The following TASP1 variants were observed in gnomAD, a reference collection of about 807,000 sequenced individuals.
TASP1 encodes the protein taspase 1.
In TASP1, 16 loss-of-function variants were observed where a neutral mutation model predicts 56.6. That is an observed-to-expected ratio of 0.28 (90% CI 0.19 to 0.43). The LOEUF is 0.43. TASP1 is among the 20% of genes least tolerant of loss of function. The probability of loss-of-function intolerance (pLI) is 1.00; values close to 1 mark genes in which losing one functional copy is unlikely to be tolerated. For missense variants in TASP1, 393 were observed against 511.6 expected (o/e 0.77, Z 2.24); for synonymous variants, 179 against 184.2 (o/e 0.97, Z 0.23).
Position 13,411,672 on chromosome 20 carries a change from G to A in TASP1, c.1170+5776C>T, listed in dbSNP as rs548860691. Among the ~76,000 whole-genome samples the A allele has an allele frequency of 2.6e-5, 4 of 152,300 alleles. No individual in the cohort carries two copies. In the South Asian group the frequency reaches 8.3e-4, roughly 32 times the overall value. On this transcript the variant is annotated intron_variant, in intron 13 of 13. Coordinates refer to ENST00000337743, the MANE Select transcript of TASP1 (RefSeq NM_017714.3). Reference sequence around the variant, plus strand: ...TTCCCTTAAGCAAGGTTTGGGATCTGAGCCCAGGTGAAACTCTAGAGAATT... The same window carrying A: ...TTCCCTTAAGCAAGGTTTGGGATCTAAGCCCAGGTGAAACTCTAGAGAATT...
At chr20:13,198,159 T>C in the TASP1 span, among the ~76,000 whole-genome samples, 1 of 152,342 alleles carries the variant, frequency 6.6e-6, no homozygotes, top group South Asian at 2.1e-4. Flanking sequence ...TTTTTTTTAT[T>C]GTGATAAGAA....
chr20:13,377,224 C>T, the TASP1 span, among the ~76,000 whole-genome samples: 11 of 152,160 alleles, frequency 7.2e-5, no homozygotes, highest in Admixed American at 4.6e-4. Flanking sequence ...ATAAATAGCT[C>T]TTATTATTTT....
chr20:13,206,657 C>G, the TASP1 span, among the ~76,000 whole-genome samples: 1 of 151,964 alleles, frequency 6.6e-6, no homozygotes, highest in Non-Finnish European at 1.5e-5. Flanking sequence ...ACTCTGGAGT[C>G]CTTAACTATA....
intron 8 of TASP1, among the ~76,000 whole-genome samples, chr20:13,543,946 C>T (rs934674380): frequency 2.0e-5 from 3 of 152,186 alleles, no homozygotes; most frequent in Non-Finnish European, 4.4e-5. Flanking sequence ...CCATTTTGCA[C>T]ATCACTCTTA....
intron 11 of TASP1, among the ~76,000 whole-genome samples, chr20:13,481,432 T>A (rs1377868552): frequency 2.0e-5 from 3 of 152,184 alleles, no homozygotes; most frequent in African/African-American, 7.2e-5. Flanking sequence ...TTTGGGGATA[T>A]ACATAGCAGT....
chr20:13,480,350 T>C (rs113978281), intron 11 of TASP1, among the ~76,000 whole-genome samples: 12 of 152,298 alleles, frequency 7.9e-5, no homozygotes, highest in African/African-American at 2.9e-4. Context: ...CCATTTTACA[T>C]TTTTTATTTT....
chr20:13,531,817 A>G (rs1253011393), intron 9 of TASP1, among the ~76,000 whole-genome samples: 1 of 152,010 alleles, frequency 6.6e-6, no homozygotes, highest in East Asian at 1.9e-4. Flanking sequence ...GGCTTATACC[A>G]CCACGCCCAG....
chr20:13,400,598 C>T (rs1166048700), intron 13 of TASP1, among the ~76,000 whole-genome samples: 5 of 152,146 alleles, frequency 3.3e-5, no homozygotes, highest in African/African-American at 7.2e-5. Context: ...TTCATTTTAT[C>T]GCTTCAACAT....
At chr20:13,406,399 C>A (rs1300287897) in intron 13 of TASP1, among the ~76,000 whole-genome samples, 1 of 152,180 alleles carries the variant, frequency 6.6e-6, no homozygotes, top group Non-Finnish European at 1.5e-5. Context: ...TCGTTAGATT[C>A]ATTTCATGTC....
intron 10 of TASP1, among the ~76,000 whole-genome samples, chr20:13,498,274 C>CA (rs1353091184): frequency 6.6e-6 from 1 of 151,086 alleles, no homozygotes; most frequent in East Asian, 1.9e-4. Flanking sequence ...AAACTAAAAA[C>CA]AAAAAATCCC....
chr20:13,247,810 G>T, the TASP1 span, among the ~76,000 whole-genome samples: 2 of 152,140 alleles, frequency 1.3e-5, no homozygotes, highest in African/African-American at 4.8e-5. Flanking sequence ...AAGTAGGAAA[G>T]AATTACGGTT....
chr20:13,453,974 A>G (rs1326987149), intron 11 of TASP1, among the ~76,000 whole-genome samples: 1 of 151,988 alleles, frequency 6.6e-6, no homozygotes. Context: ...AAGATGAGGA[A>G]GATGAAGGTT....
intron 4 of TASP1, among the ~76,000 whole-genome samples, chr20:13,613,666 C>T (rs192249856): frequency 6.6e-6 from 1 of 152,056 alleles, no homozygotes; most frequent in African/African-American, 2.4e-5. Flanking sequence ...CAATTATAAA[C>T]AATTAAGACA....
At chr20:13,477,443 T>TCTA in intron 11 of TASP1, among the ~76,000 whole-genome samples, 1 of 152,158 alleles carries the variant, frequency 6.6e-6, no homozygotes, top group Non-Finnish European at 1.5e-5. Context: ...TCAATCATTA[T>TCTA]ATTTAGTAAT....
intron 11 of TASP1, among the ~76,000 whole-genome samples, chr20:13,467,274 C>A (rs2044298281): frequency 6.6e-6 from 1 of 151,712 alleles, no homozygotes; most frequent in Non-Finnish European, 1.5e-5. Flanking sequence ...AATATTGCAA[C>A]CCTTCATCCT....
At chr20:13,464,212 G>T (rs1286961364) in intron 11 of TASP1, among the ~76,000 whole-genome samples, 43 of 152,102 alleles carry the variant, frequency 2.8e-4, no homozygotes, top group Admixed American at 2.8e-3. Flanking sequence ...CTTAATTAAG[G>T]TTAAATGAGG....
At chr20:13,568,404 T>TA (rs2046607072) in intron 7 of TASP1, among the ~76,000 whole-genome samples, 1 of 152,162 alleles carries the variant, frequency 6.6e-6, no homozygotes, top group African/African-American at 2.4e-5. Flanking sequence ...ATTTCAGTGA[T>TA]AAAAATAAAA....
intron 11 of TASP1, among the ~76,000 whole-genome samples, chr20:13,479,463 CTTTT>C (rs777068211): frequency 1.4e-5 from 2 of 141,782 alleles, no homozygotes; most frequent in Non-Finnish European, 1.5e-5. Context: ...TGATTTACAA[CTTTT>C]TTTTTTTTTT....
At chr20:13,117,744 G>T in the TASP1 span, 1 of 1,593,548 alleles carries the variant, frequency 6.3e-7, no homozygotes, top group Non-Finnish European at 8.5e-7. Context: ...GGGCCTGCTT[G>T]TGTCTGTTTA....
Sources: gnomAD v4.1 joint callset for allele counts (sites outside exome capture counted in the v4.1 genomes callset) on GRCh38, gnomAD v4.1.1 for gene constraint, MANE v1.5 for transcripts, NCBI Gene and HGNC (gene_info 2026-07-23, HGNC 2026-07-21) for gene names.